MARCHF1: variants seen among roughly 807,000 people sequenced by gnomAD.
The protein encoded by MARCHF1 is membrane associated ring-CH-type finger 1.
Under a neutral mutation model 54.2 loss-of-function variants are expected in MARCHF1, and 40 were observed. The ratio of observed to expected loss-of-function variants is 0.74; its 90% CI spans 0.57 to 0.96. The LOEUF (loss-of-function observed/expected upper bound fraction) is 0.96, where lower values mean the gene tolerates loss of function less well. Among genes scored for constraint, MARCHF1 ranks in the 40% least tolerant of loss-of-function variants. MARCHF1 has a pLI of 0.00. For missense variants in MARCHF1, 586 were observed against 656.5 expected, an observed-to-expected ratio of 0.89 and a Z score of 1.17; for synonymous variants, 236 against 236.3, an observed-to-expected ratio of 1.00 and a Z score of 0.01.
chr4:164,208,856 G>A (rs1342878828), intron 1 of MARCHF1, among the ~76,000 whole-genome samples: 8 of 152,082 alleles, frequency 5.3e-5, no homozygotes, highest in Non-Finnish European at 1.2e-4. Flanking sequence ...GGCTGAGGTG[G>A]AAGAAACACT....
intron 5 of MARCHF1, among the ~76,000 whole-genome samples, chr4:163,645,331 C>T (rs1326133233): frequency 6.6e-6 from 1 of 152,114 alleles, no homozygotes; most frequent in African/African-American, 2.4e-5. Flanking sequence ...AACCGCAGTC[C>T]TAGAGGCAAT....
At chr4:163,680,811 C>A (rs1248301677) in intron 5 of MARCHF1, among the ~76,000 whole-genome samples, 1 of 152,104 alleles carries the variant, frequency 6.6e-6, no homozygotes, top group East Asian at 1.9e-4. Flanking sequence ...ACTTAAAACA[C>A]TTTCACAACA....
At chr4:163,917,932 A>G (rs992870110) in intron 3 of MARCHF1, among the ~76,000 whole-genome samples, 2 of 152,006 alleles carry the variant, frequency 1.3e-5, no homozygotes, top group African/African-American at 4.8e-5. Flanking sequence ...TTTTTGTTGC[A>G]ATTGCTTTTG....
At chr4:163,602,297 C>G (rs1740997899) in intron 7 of MARCHF1, among the ~76,000 whole-genome samples, 1 of 152,062 alleles carries the variant, frequency 6.6e-6, no homozygotes, top group Non-Finnish European at 1.5e-5. Context: ...TATTTACTGA[C>G]AACTGCAGCG....
intron 1 of MARCHF1, among the ~76,000 whole-genome samples, chr4:164,146,529 A>C (rs968130586): frequency 6.6e-6 from 1 of 152,208 alleles, no homozygotes; most frequent in African/African-American, 2.4e-5. Flanking sequence ...CATATCTACA[A>C]GTATCTGATC....
At chr4:163,630,578 A>G (rs1242312859) in intron 5 of MARCHF1, among the ~76,000 whole-genome samples, 1 of 152,230 alleles carries the variant, frequency 6.6e-6, no homozygotes, top group East Asian at 1.9e-4. Context: ...TTCTACTTAA[A>G]GTACTTTAAA....
chr4:164,046,181 G>A (rs184110485), intron 2 of MARCHF1, among the ~76,000 whole-genome samples: 15 of 152,220 alleles, frequency 9.9e-5, no homozygotes, highest in East Asian at 1.9e-4. Flanking sequence ...CAAATGTTTG[G>A]TAATGGGCCT....
rs141944955 is a variant in MARCHF1 at position 164,045,410 on chromosome 4, G to C, written c.-247-56701C>G. ...GTCTGTAATCCCACCTACTTGGGAGGCTGAGGCAGGAGAATCGCTTGAACC... is the reference window on the plus strand; with the variant it reads ...GTCTGTAATCCCACCTACTTGGGAGCCTGAGGCAGGAGAATCGCTTGAACC... On this transcript the variant is annotated intron_variant, in intron 2 of 9. Transcript: ENST00000514618. Among the ~76,000 whole-genome samples, 73 of 152,054 alleles carry C rather than the reference G, an allele frequency of 4.8e-4. No homozygotes were observed. In the East Asian group the frequency reaches 0.013, roughly 28 times the overall value.
chr4:163,873,338 G>A (rs146782327), intron 3 of MARCHF1, among the ~76,000 whole-genome samples: 170 of 152,272 alleles, frequency 1.1e-3, no homozygotes, highest in African/African-American at 3.9e-3. Flanking sequence ...AATTGTACTG[G>A]TTCTCAATTA....
chr4:163,805,744 A>G (rs1268361361), intron 4 of MARCHF1, among the ~76,000 whole-genome samples: 1 of 152,166 alleles, frequency 6.6e-6, no homozygotes, highest in Non-Finnish European at 1.5e-5. Context: ...CCATGCCACA[A>G]CATTAGTTGC....
chr4:164,086,893 T>A (rs17613533), intron 2 of MARCHF1, among the ~76,000 whole-genome samples: 13,891 of 152,066 alleles, frequency 0.091, 725 homozygotes, highest in East Asian at 0.19. Flanking sequence ...ATAACAATAA[T>A]TTCAAAAAGA....
chr4:163,663,222 C>CTTTTTTTT, intron 5 of MARCHF1, among the ~76,000 whole-genome samples: 1 of 141,144 alleles, frequency 7.1e-6, no homozygotes, highest in Non-Finnish European at 1.5e-5. Context: ...TTTAAATCAT[C>CTTTTTTTT]TTTTTTTTTT....
intron 4 of MARCHF1, among the ~76,000 whole-genome samples, chr4:163,736,608 T>C (rs1373680217): frequency 1.3e-5 from 2 of 152,100 alleles, no homozygotes; most frequent in African/African-American, 2.4e-5. Flanking sequence ...CAAAGAATCA[T>C]GCTGAAATGG....
At chr4:163,713,861 G>T (rs938774872) in intron 4 of MARCHF1, among the ~76,000 whole-genome samples, 2 of 152,092 alleles carry the variant, frequency 1.3e-5, no homozygotes, top group Non-Finnish European at 2.9e-5. Context: ...GTCACTTCTC[G>T]AAAAGTCTTC....
chr4:163,851,377 T>C (rs924370511), intron 4 of MARCHF1, among the ~76,000 whole-genome samples: 3 of 152,188 alleles, frequency 2.0e-5, no homozygotes, highest in African/African-American at 4.8e-5. Flanking sequence ...GTGTACCTGA[T>C]TCTTTCTCTA....
intron 5 of MARCHF1, among the ~76,000 whole-genome samples, chr4:163,660,074 A>C (rs1743291603): frequency 6.6e-6 from 1 of 152,098 alleles, no homozygotes; most frequent in Non-Finnish European, 1.5e-5. Context: ...AAGAATTATA[A>C]ATCATTCTAC....
chr4:163,620,317 G>T (rs1192542740), intron 5 of MARCHF1, among the ~76,000 whole-genome samples: 3 of 152,024 alleles, frequency 2.0e-5, no homozygotes, highest in Admixed American at 1.3e-4. Context: ...TGAAGTAACT[G>T]TAAATTGGTA....
intron 2 of MARCHF1, among the ~76,000 whole-genome samples, chr4:164,022,027 A>G (rs1753677217): frequency 6.6e-6 from 1 of 152,038 alleles, no homozygotes. Flanking sequence ...CCTTCCATCA[A>G]TTCCAGTTAT....
intron 1 of MARCHF1, among the ~76,000 whole-genome samples, chr4:164,290,001 G>GA (rs1380199998): frequency 6.6e-6 from 1 of 151,610 alleles, no homozygotes; most frequent in Admixed American, 6.6e-5. Flanking sequence ...CTCCTTCTCT[G>GA]AAATTGTTTT....
Sources: gnomAD v4.1 joint callset for allele counts (sites outside exome capture counted in the v4.1 genomes callset) on GRCh38, gnomAD v4.1.1 for gene constraint, MANE v1.5 for transcripts, NCBI Gene and HGNC (gene_info 2026-07-23, HGNC 2026-07-21) for gene names.